MAST2: variants seen among roughly 807,000 people sequenced by gnomAD.
MAST2 encodes the protein microtubule-associated serine/threonine-protein kinase 2.
MAST2 carries 70 observed loss-of-function variants against 147.4 expected under a neutral mutation model. The observed-to-expected ratio is 0.47, with a 90% CI of 0.39 to 0.58. The LOEUF (loss-of-function observed/expected upper bound fraction) is 0.58, where lower values mean the gene tolerates loss of function less well. Ranked by LOEUF, MAST2 falls within the 20% of genes least tolerant of loss-of-function variation. MAST2 has a pLI of 0.00. For missense variants in MAST2, 2,080 were observed against 2,302.3 expected, an observed-to-expected ratio of 0.90 and a Z score of 1.98; for synonymous variants, 869 against 896.8, an observed-to-expected ratio of 0.97 and a Z score of 0.55.
At chr1:45,911,457 C>T (rs1651638882) in intron 4 of MAST2, among the ~76,000 whole-genome samples, 1 of 152,126 alleles carries the variant, frequency 6.6e-6, no homozygotes, top group Non-Finnish European at 1.5e-5. Context: ...ATATGCAGAG[C>T]AGGCTAGAAA....
intron 5 of MAST2, among the ~76,000 whole-genome samples, chr1:45,975,386 C>T (rs1007397235): frequency 1.7e-4 from 25 of 148,986 alleles, no homozygotes; most frequent in Admixed American, 6.9e-4. Context: ...TGCCTGGATA[C>T]GATGGCTCAC....
At chr1:45,815,311 A>G (rs557305443) in intron 1 of MAST2, among the ~76,000 whole-genome samples, 99 of 151,958 alleles carry the variant, frequency 6.5e-4, no homozygotes, top group Non-Finnish European at 1.3e-3. Flanking sequence ...CTAGGACTAC[A>G]GGCACATGCC....
chr1:45,977,911 G>T (rs1257178181), intron 5 of MAST2, among the ~76,000 whole-genome samples: 1 of 152,066 alleles, frequency 6.6e-6, no homozygotes, highest in Non-Finnish European at 1.5e-5. Context: ...AAAGGACTTG[G>T]GTTCAGAATA....
At position 45,892,154 on chromosome 1, in the gene MAST2, C is replaced by T. The variant is rs1046452185; in HGVS notation, c.500+9759C>T. Among the ~76,000 whole-genome samples, 6 of 152,184 alleles carry T rather than the reference C, an allele frequency of 3.9e-5. 1 individual carries two copies. The highest frequency in any genetic ancestry group is 1.4e-4 in the African/African-American group (6 of 41,438). ...TCAGGCAAGCTCTTTGTTGGACAAC[C>T]ATTTTTTACAATTATATTCTGGTCA... is the stretch of plus-strand genomic sequence containing the variant. On this transcript the variant is annotated intron_variant, in intron 4 of 28. Coordinates refer to ENST00000361297, the MANE Select transcript of MAST2 (RefSeq NM_015112.3).
intron 1 of MAST2, among the ~76,000 whole-genome samples, chr1:45,817,589 A>G (rs1322300539): frequency 6.6e-6 from 1 of 152,210 alleles, no homozygotes; most frequent in Non-Finnish European, 1.5e-5. Context: ...GAGTTCTTCA[A>G]TCTGAAAGAA....
intron 5 of MAST2, among the ~76,000 whole-genome samples, chr1:45,970,886 C>A (rs527899208): frequency 6.6e-6 from 1 of 150,844 alleles, no homozygotes; most frequent in Non-Finnish European, 1.5e-5. Context: ...ACATGCCAGG[C>A]CAGAACTGGA....
At chr1:45,831,019 G>A (rs191838870) in intron 3 of MAST2, among the ~76,000 whole-genome samples, 3 of 139,642 alleles carry the variant, frequency 2.1e-5, no homozygotes, top group African/African-American at 8.3e-5. Flanking sequence ...GACAGAGTGA[G>A]ACCTTGTCTG....
intron 4 of MAST2, among the ~76,000 whole-genome samples, chr1:45,957,159 CAT>C (rs1481862636): frequency 6.6e-6 from 1 of 152,192 alleles, no homozygotes; most frequent in Non-Finnish European, 1.5e-5. Flanking sequence ...TCCATGAAAG[CAT>C]ACAACATACT....
At chr1:45,833,531 G>A (rs184219508) in intron 3 of MAST2, among the ~76,000 whole-genome samples, 7 of 152,142 alleles carry the variant, frequency 4.6e-5, no homozygotes, top group Admixed American at 6.6e-5. Flanking sequence ...TTCATTCCTC[G>A]TGGATATATA....
At chr1:45,819,492 T>C (rs965507350) in intron 1 of MAST2, among the ~76,000 whole-genome samples, 1 of 152,158 alleles carries the variant, frequency 6.6e-6, no homozygotes, top group Non-Finnish European at 1.5e-5. Context: ...CTATTAGAAC[T>C]GATAAATTTA....
intron 4 of MAST2, among the ~76,000 whole-genome samples, chr1:45,906,460 T>A (rs989921195): frequency 2.6e-5 from 4 of 151,936 alleles, no homozygotes; most frequent in African/African-American, 7.2e-5. Flanking sequence ...CAGTACAATA[T>A]GTGTTTTAAG....
chr1:45,867,384 A>G (rs1295500415), intron 3 of MAST2, among the ~76,000 whole-genome samples: 2 of 152,180 alleles, frequency 1.3e-5, no homozygotes, highest in Non-Finnish European at 2.9e-5. Context: ...GACACAGCCT[A>G]CTTTGATACC....
rs761826669 is a variant in MAST2 at position 46,031,522 on chromosome 1, C to T, written c.3124C>T (p.Arg1042Cys). ...GGACTCAACAGAGAAGCGCACTGCT[C>T]GCCCTGTCAACAAAGTGATCAAGTC... ...SGDSTEKRTA[R>C]PVNKVIKSAS... The change falls in exon 24 of 29, where the codon CGC (arginine) becomes TGC (cysteine). Residue 1042 changes from arginine (R) to cysteine (C), a missense_variant. Arg to Cys is a radical substitution (Grantham distance 180). This residue lies in a region of MAST2 where 1,278 missense variants were observed against 1,304.2 expected (regional missense o/e 0.98). Coordinates refer to ENST00000361297, the MANE Select transcript of MAST2 (RefSeq NM_015112.3). This position sits in a 1 kb window ranked among gnomAD's most constrained non-coding sequence, Gnocchi z 4.1. 3 of 1,614,164 alleles carry T rather than the reference C, an allele frequency of 1.9e-6. No homozygotes were observed. Among genetic ancestry groups the T allele is most frequent in the African/African-American group, 1.3e-5 (1 of 75,048 alleles).
At chr1:45,821,927 C>T (rs1459169365) in intron 1 of MAST2, among the ~76,000 whole-genome samples, 2 of 111,100 alleles carry the variant, frequency 1.8e-5, no homozygotes, top group African/African-American at 7.2e-5. Context: ...GTTGCTCTGT[C>T]ACCCAGCCTG....
intron 4 of MAST2, among the ~76,000 whole-genome samples, chr1:45,922,781 C>T (rs1394954099): frequency 1.3e-5 from 2 of 152,034 alleles, no homozygotes; most frequent in African/African-American, 2.4e-5. Context: ...CCACTTTTCC[C>T]TGGCTCCCAC....
Position 45,959,401 on chromosome 1 carries a change from C to G in MAST2, c.516C>G (p.Asn172Lys). The change falls in exon 5 of 29, where the codon AAC becomes AAG. Residue 172 changes from asparagine to lysine, a missense_variant. Around this residue, in one of 4 missense-constraint regions of MAST2, gnomAD observed 569 missense variants for 642.5 expected, o/e 0.89. Transcript: ENST00000361297. ...PRRGSFCRTSNRKSLIVTSST... is the reference protein window; with the variant it reads ...PRRGSFCRTSKRKSLIVTSST... Reference sequence around the variant, plus strand: ...TTCATTGCAGTTGTCGGACAAGTAACCGCAAGAGCTTGATTGTGACCTCTA... The same window carrying G: ...TTCATTGCAGTTGTCGGACAAGTAAGCGCAAGAGCTTGATTGTGACCTCTA... 5.0e-6 allele frequency: 8 copies of G among 1,613,760 alleles called. No individual in the cohort carries two copies. Among genetic ancestry groups the G allele is most frequent in the Non-Finnish European group, 6.8e-6 (8 of 1,179,774 alleles).
intron 5 of MAST2, among the ~76,000 whole-genome samples, chr1:45,967,949 A>G (rs534770324): frequency 1.1e-4 from 16 of 152,366 alleles, no homozygotes; most frequent in Non-Finnish European, 2.2e-4. Context: ...ATGTAAAAGC[A>G]TACCTAATCA....
chr1:45,804,190 G>A, intron 1 of MAST2, 118 bp downstream of exon 1: 1 of 1,185,424 alleles, frequency 8.4e-7, no homozygotes, highest in Non-Finnish European at 1.1e-6. Context: ...AGTTCGCGGG[G>A]AGGAGTGGGA....
chr1:45,807,972 T>C (rs572827248), intron 1 of MAST2, among the ~76,000 whole-genome samples: 81 of 152,334 alleles, frequency 5.3e-4, no homozygotes, highest in African/African-American at 1.9e-3. Flanking sequence ...ATTTGGGTAG[T>C]AAGAGCCCAG....
Sources: allele counts gnomAD v4.1 joint callset (sites outside exome capture counted in the v4.1 genomes callset), GRCh38; gene constraint gnomAD v4.1.1; regional missense constraint gnomAD v4.1.1; non-coding constraint Gnocchi (gnomAD v3.1); transcripts MANE v1.5; gene names NCBI Gene and HGNC (gene_info 2026-07-23, HGNC 2026-07-21).